Variants in THOC2 observed in about 807,000 individuals in gnomAD.
THOC2 encodes THO complex subunit 2, also known as THO complex 2.
THOC2 carries 10 observed loss-of-function variants against 128.4 expected under a neutral mutation model. That is an observed-to-expected ratio of 0.08 (90% confidence interval 0.05 to 0.13). The LOEUF (loss-of-function observed/expected upper bound fraction) is 0.13, where lower values mean the gene tolerates loss of function less well. THOC2 is among the 10% of genes least tolerant of loss of function. The pLI is 1.00. For synonymous variants in THOC2, 393 were observed against 396.9 expected, an observed-to-expected ratio of 0.99 and a Z score of 0.12; for missense variants, 535 against 1,155.7, an observed-to-expected ratio of 0.46 and a Z score of 7.79.
intron 4 of THOC2, among the ~76,000 whole-genome samples, chrX:123,698,576 C>T (rs1318801232): frequency 9.1e-6 from 1 of 109,366 alleles, no homozygotes; most frequent in African/African-American, 3.3e-5. Flanking sequence ...TATGAAAAGA[C>T]AGTATTAAAT....
At chrX:123,638,769 T>TAC (rs745502483) in intron 17 of THOC2, among the ~76,000 whole-genome samples, 165 bp downstream of exon 17, 5,794 of 93,353 alleles carry the variant, frequency 0.062, 233 homozygotes, top group African/African-American at 0.15. Flanking sequence ...CTCTCTCACA[T>TAC]ACACACACAC....
chrX:123,628,865 G>T (rs1175415438), intron 22 of THOC2, among the ~76,000 whole-genome samples: 2 of 110,512 alleles, frequency 1.8e-5, no homozygotes, highest in African/African-American at 6.6e-5. Context: ...CTAAAACTGG[G>T]AACATCCCAG....
rs141597809 is a variant in THOC2 at position 123,686,087 on chromosome X, C to T, written c.768+461G>A. Reference sequence around the variant, plus strand: ...CACAGTATTCAAAGCCTGTGACAATCTGAAGTACACATACCTTCCCAATTT... The same window carrying T: ...CACAGTATTCAAAGCCTGTGACAATTTGAAGTACACATACCTTCCCAATTT... On this transcript the variant is annotated intron_variant, in intron 8 of 38. Coordinates refer to ENST00000245838, the MANE Select transcript of THOC2 (RefSeq NM_001081550.2). Among the ~76,000 whole-genome samples the T allele has an allele frequency of 6.7e-3, 747 of 111,705 alleles. 4 individuals carry two copies. The highest frequency in any genetic ancestry group is 0.011 in the Non-Finnish European group (568 of 53,148).
intron 28 of THOC2, 149 bp from the exon 29 acceptor site, chrX:123,623,432 T>G: frequency 1.5e-6 from 1 of 654,428 alleles, no homozygotes; most frequent in Non-Finnish European, 2.2e-6. Flanking sequence ...TTCTTGAAGG[T>G]TTTTATAGAA....
At chrX:123,714,770 T>C (rs747214497) in intron 1 of THOC2, among the ~76,000 whole-genome samples, 2 of 111,474 alleles carry the variant, frequency 1.8e-5, no homozygotes, top group African/African-American at 6.5e-5. Context: ...TTTTAAAAGA[T>C]AGAAATCATA....
intron 12 of THOC2, among the ~76,000 whole-genome samples, chrX:123,650,892 A>G (rs1293561213): frequency 8.9e-6 from 1 of 111,952 alleles, no homozygotes; most frequent in Non-Finnish European, 1.9e-5. Context: ...AATATTAGAC[A>G]GATCAACGAC....
chrX:123,691,897 C>A (rs1465559191), intron 7 of THOC2, among the ~76,000 whole-genome samples: 4 of 112,346 alleles, frequency 3.6e-5, no homozygotes, highest in Admixed American at 9.4e-5. Context: ...TTGTAAATAA[C>A]ATTTTATTGG....
chrX:123,725,338 C>A (rs1199720715), intron 1 of THOC2, among the ~76,000 whole-genome samples: 2 of 104,711 alleles, frequency 1.9e-5, no homozygotes, highest in African/African-American at 7.1e-5. Flanking sequence ...AATCCCAACA[C>A]TTTGGGAGGC....
intron 1 of THOC2, among the ~76,000 whole-genome samples, chrX:123,719,047 G>A (rs1422183905): frequency 9.2e-6 from 1 of 108,376 alleles, no homozygotes; most frequent in East Asian, 2.9e-4. Context: ...GTGTGGTGGC[G>A]GGCGCCTGTA....
At chrX:123,619,187 C>T (rs2047000757) in intron 33 of THOC2, among the ~76,000 whole-genome samples, 1 of 112,038 alleles carries the variant, frequency 8.9e-6, no homozygotes, top group South Asian at 3.7e-4. Flanking sequence ...TGCCACATTA[C>T]ACACATTTTA....
chrX:123,703,610 G>A (rs2050789696), intron 3 of THOC2, 105 bp from the exon 4 acceptor site: 2 of 491,628 alleles, frequency 4.1e-6, no homozygotes, highest in African/African-American at 4.9e-5. Context: ...AAAAATGGCT[G>A]GGAGCAGTGG....
In THOC2 at chrX:123,665,773, T is replaced by C; in HGVS notation, c.1255A>G (p.Lys419Glu). ...AAATCTTCAAAGCTCTCAGCTTGTT[T>C]TGGTGCTCTCTTGTTTTGCAAAGCA... Reference protein sequence around the residue: ...VNALQNKRAPKQAESFEDLRR... With the variant: ...VNALQNKRAPEQAESFEDLRR... The change falls in exon 12 of 39, where the codon AAA becomes GAA. Residue 419 changes from lysine (K) to glutamate (E), a missense_variant. Coordinates refer to ENST00000245838, the MANE Select transcript of THOC2 (RefSeq NM_001081550.2). 8.3e-7 allele frequency: 1 copy of C among 1,204,708 alleles called. No individual in the cohort carries two copies. Among genetic ancestry groups the C allele is most frequent in the East Asian group, 3.0e-5 (1 of 33,804 alleles).
Position 123,622,766 on chromosome X carries a change from G to C in THOC2, c.3777C>G (p.Gly1259=). Residue 1259 remains glycine, a synonymous_variant, in exon 30 of 39, where the codon GGC becomes GGG. Coordinates refer to ENST00000245838, the MANE Select transcript of THOC2 (RefSeq NM_001081550.2). ...PKGNSSNGNS[G]SNSNKAVKEN... The stretch of plus-strand genomic sequence containing the variant: ...TGGCACAGTGTTCCTACCTGTTAGA[G>C]CCACTATTTCCATTGCTTGAATTCC... The C allele has an allele frequency of 8.6e-7, 1 of 1,165,562 alleles. No homozygotes were observed. Among genetic ancestry groups the C allele is most frequent in the East Asian group, 3.0e-5 (1 of 33,602 alleles).
chrX:123,677,460 TA>T (rs1467270622), intron 8 of THOC2, among the ~76,000 whole-genome samples: 5 of 112,554 alleles, frequency 4.4e-5, no homozygotes, highest in Admixed American at 1.9e-4. Context: ...AGTTTTTTAA[TA>T]TTTTTTTAAC....
intron 20 of THOC2, among the ~76,000 whole-genome samples, chrX:123,633,741 A>C (rs765697097): frequency 1.8e-5 from 2 of 112,018 alleles, no homozygotes; most frequent in Non-Finnish European, 3.8e-5. Flanking sequence ...TGCATTACTT[A>C]CTGCCTTTTA....
At chrX:123,651,241 T>C (rs2048339926) in intron 12 of THOC2, among the ~76,000 whole-genome samples, 1 of 112,089 alleles carries the variant, frequency 8.9e-6, no homozygotes, top group African/African-American at 3.2e-5. Context: ...AAACAAGTTA[T>C]TTGAAACCAA....
intron 10 of THOC2, 51 bp from the exon 11 acceptor site, chrX:123,667,329 A>G: frequency 2.1e-6 from 2 of 930,965 alleles, no homozygotes; most frequent in Non-Finnish European, 2.9e-6. Context: ...ACATCAAGAA[A>G]TCTTAATACT....
Position 123,686,593 on chromosome X carries a change from C to T in THOC2, c.723G>A (p.Pro241=), listed in dbSNP as rs777252589. 9 of 1,205,369 alleles carry T rather than the reference C, an allele frequency of 7.5e-6. No homozygotes were observed. The highest frequency in any genetic ancestry group is 5.4e-5 in the South Asian group (3 of 55,464). ...LLESYMSMCE[P]QTLCHILGFK... is the part of the protein sequence containing the mutation. ...ACCCAAGAATATGACACAGTGTTTG[C>T]GGTTCACACATACTCATGTAAGATT... The change falls in exon 8 of 39, where the codon CCG becomes CCA. Residue 241 remains proline (P), a synonymous_variant. Transcript: ENST00000245838.
At chrX:123,619,092 C>T (rs908265680) in intron 33 of THOC2, among the ~76,000 whole-genome samples, 5 of 111,720 alleles carry the variant, frequency 4.5e-5, no homozygotes, top group African/African-American at 1.6e-4. Context: ...ACCTCTTCCC[C>T]GAATGTTAAA....
Sources: gnomAD v4.1 joint callset for allele counts (sites outside exome capture counted in the v4.1 genomes callset) on GRCh38, gnomAD v4.1.1 for gene constraint, MANE v1.5 for transcripts, NCBI Gene and HGNC (gene_info 2026-07-23, HGNC 2026-07-21) for gene names.